The following DLAT variants were observed in gnomAD, a reference collection of about 807,000 sequenced individuals.
DLAT encodes the protein dihydrolipoamide S-acetyltransferase, also known as dihydrolipoyllysine-residue acetyltransferase component of pyruvate dehydrogenase complex, mitochondrial.
Under a neutral mutation model 68.0 loss-of-function variants are expected in DLAT, and 43 were observed. The observed-to-expected ratio is 0.63, with a 90% CI of 0.50 to 0.81. The LOEUF (loss-of-function observed/expected upper bound fraction) is 0.81. Ranked by LOEUF, DLAT falls within the 40% of genes least tolerant of loss-of-function variation. The pLI, the probability that DLAT is intolerant of heterozygous loss-of-function variation, is 0.00. For synonymous variants in DLAT, 265 were observed against 288.6 expected (o/e 0.92, Z 0.83); for missense variants, 745 against 815.4 (o/e 0.91, Z 1.05).
intron 5 of DLAT, among the ~76,000 whole-genome samples, chr11:112,035,213 G>T (rs587668086): frequency 1.3e-5 from 2 of 152,290 alleles, no homozygotes; most frequent in East Asian, 3.9e-4. Flanking sequence ...TGAGGCAAAG[G>T]GGGAATTAAA....
intron 2 of DLAT, 139 bp downstream of exon 2, chr11:112,026,438 G>C: frequency 6.8e-6 from 3 of 443,916 alleles, no homozygotes; most frequent in Non-Finnish European, 7.5e-6. Context: ...AGTGAACAAA[G>C]GTCTCTGGTT....
At chr11:112,028,683 G>C (rs1249078890) in intron 3 of DLAT, 44 bp downstream of exon 3, 2 of 1,613,966 alleles carry the variant, frequency 1.2e-6, no homozygotes, top group African/African-American at 2.7e-5. Flanking sequence ...TTGCTTGGTG[G>C]AGTATTTTAC....
At chr11:112,038,227 C>G (rs1862874090) in intron 6 of DLAT, among the ~76,000 whole-genome samples, 1 of 152,082 alleles carries the variant, frequency 6.6e-6, no homozygotes, top group Non-Finnish European at 1.5e-5. Context: ...GAGACGGAGT[C>G]TTGCTCCGTC....
rs1555181970 is a variant in DLAT, at chr11:112,051,298, G to A, written c.1463G>A (p.Cys488Tyr). The A allele has an allele frequency of 6.2e-7, 1 of 1,613,708 alleles. No homozygotes were observed. Among genetic ancestry groups the A allele is most frequent in the Admixed American group, 1.7e-5 (1 of 60,012 alleles). The change falls in exon 11 of 14, where the codon TGT (cysteine) becomes TAT (tyrosine). Residue 488 changes from cysteine to tyrosine, a missense_variant. By Grantham distance (194) the Cys-to-Tyr change is radical (BLOSUM62 -2). Transcript: ENST00000280346. This position sits in a 1 kb window ranked among gnomAD's most constrained non-coding sequence, Gnocchi z 4.3. ...DFIIKASALA[C>Y]LKVPEANSSW... is the part of the protein sequence containing the mutation. The stretch of plus-strand genomic sequence containing the variant: ...ATCATAAAAGCTTCAGCTTTGGCAT[G>A]TTTAAAAGTTCCCGAAGCAAATTCT...
intron 6 of DLAT, among the ~76,000 whole-genome samples, chr11:112,037,775 A>AC (rs1444262846): frequency 1.0e-4 from 9 of 86,194 alleles, no homozygotes; most frequent in Non-Finnish European, 1.3e-4. Flanking sequence ...TCATTGCCCC[A>AC]CCCTTTTTTT....
intron 11 of DLAT, among the ~76,000 whole-genome samples, chr11:112,058,642 CT>C (rs587655131): frequency 0.049 from 6,856 of 139,506 alleles, 572 homozygotes; most frequent in African/African-American, 0.15. Context: ...GGGGAATCAC[CT>C]TTTTTTTTTT....
At chr11:112,043,998 A>G (rs1229332585) in intron 8 of DLAT, among the ~76,000 whole-genome samples, 1 of 152,192 alleles carries the variant, frequency 6.6e-6, no homozygotes, top group African/African-American at 2.4e-5. Flanking sequence ...ATGGATATGG[A>G]GGGCCAAGTG....
intron 11 of DLAT, among the ~76,000 whole-genome samples, chr11:112,058,131 C>A (rs1024171135): frequency 6.6e-6 from 1 of 152,172 alleles, no homozygotes; most frequent in Admixed American, 6.5e-5. Flanking sequence ...AAACACCATT[C>A]ATTTACTTGT....
Position 112,027,893 on chromosome 11 carries a change from A to AGAGAGGGAGAGG in DLAT, c.382-617_382-606dup, listed in dbSNP as rs201205994. 8.7e-5 allele frequency among the ~76,000 whole-genome samples: 13 copies of AGAGAGGGAGAGG among 150,288 alleles called. No individual in the cohort carries two copies. In the East Asian group the frequency reaches 1.2e-3, roughly 14 times the overall value. ...TCAGCATCAGAGGGAGACCGTGGAA[A>AGAGAGGGAGAGG]GAGAGGGAGAGGGAGACCGTGGGGA... On this transcript the variant is annotated intron_variant, in intron 2 of 13. Transcript: ENST00000280346.
chr11:112,048,742 C>T (rs782108955), intron 10 of DLAT, among the ~76,000 whole-genome samples: 4 of 152,050 alleles, frequency 2.6e-5, no homozygotes, highest in Admixed American at 6.6e-5. Context: ...CCATGTTGGC[C>T]AGGCTGGTCT....
In DLAT at chr11:112,026,784, C is replaced by G. The variant is rs1263490275; in HGVS notation, c.381+485C>G. On this transcript the variant is annotated intron_variant, in intron 2 of 13. Transcript: ENST00000280346. ...CCACCTTTCCCCCCTTTCTATTCCA[C>G]AAAACCGCCATTGTCATCATGGCCC... 2.0e-5 allele frequency among the ~76,000 whole-genome samples: 3 copies of G among 152,290 alleles called. No individual in the cohort carries two copies. The East Asian group carries it at 5.8e-4, about 29-fold the overall frequency.
intron 10 of DLAT, among the ~76,000 whole-genome samples, chr11:112,050,263 T>G (rs1359347340): frequency 1.3e-5 from 2 of 152,178 alleles, no homozygotes; most frequent in Non-Finnish European, 2.9e-5. Flanking sequence ...TGCTGGATTT[T>G]ATTTGCTAGC....
rs985598328 is a variant in DLAT, at chr11:112,043,589, C to A, written c.1197+56C>A. 4 of 1,357,700 alleles carry A rather than the reference C, an allele frequency of 2.9e-6. No individual in the cohort carries two copies. In the African/African-American group the frequency reaches 5.7e-5, roughly 19 times the overall value. 84.1% of individuals were successfully genotyped at this position (1,357,700 alleles called of 1,614,324 possible). A position where few individuals can be genotyped will look rare whatever the true frequency, so the allele number is the denominator to read the frequency against. ...CAGTTTGTCTCTACAGCCTGTTAGACCATTTCATACATTATTTATGAACGA... is the reference window on the plus strand; with the variant it reads ...CAGTTTGTCTCTACAGCCTGTTAGAACATTTCATACATTATTTATGAACGA... On this transcript the variant is annotated intron_variant, in intron 8 of 13. Transcript: ENST00000280346.
Position 112,033,624 on chromosome 11 carries a change from T to G in DLAT, c.787+94T>G, listed in dbSNP as rs1263409422. 7.0e-6 allele frequency: 10 copies of G among 1,418,774 alleles called. No homozygotes were observed. The East Asian group carries it at 2.1e-4, about 30-fold the overall frequency. The allele number at this position is 1,418,774 out of a possible 1,614,324, so 87.9% of individuals were successfully genotyped here. ...TTCCTATAATGAGTGAGTGATAATA[T>G]GAAAACTTTATAATTCTTAGGATTC... On this transcript the variant is annotated intron_variant, in intron 5 of 13. Coordinates refer to ENST00000280346, the MANE Select transcript of DLAT (RefSeq NM_001931.5).
rs587754043 is a variant in DLAT at position 112,037,355 on chromosome 11, C to T, written c.870C>T (p.Leu290=). 28 of 1,614,180 alleles carry T rather than the reference C, an allele frequency of 1.7e-5. No individual in the cohort carries two copies. The African/African-American group carries it at 3.3e-4, about 19-fold the overall frequency. The change falls in exon 6 of 14, where the codon CTC becomes CTT. Residue 290 remains leucine, a synonymous_variant. Coordinates refer to ENST00000280346, the MANE Select transcript of DLAT (RefSeq NM_001931.5). ...GAGATGTCCCTCTAGGAACCCCACT[C>T]TGTATCATTGTAGAAAAAGAGGCAG... The part of the protein sequence containing the change: ...GTRDVPLGTP[L]CIIVEKEADI...
At chr11:112,047,547 T>C (rs1863383595) in intron 10 of DLAT, among the ~76,000 whole-genome samples, 1 of 152,248 alleles carries the variant, frequency 6.6e-6, no homozygotes, top group Non-Finnish European at 1.5e-5. Context: ...CCCATGCCTG[T>C]GTCCTGAATG....
chr11:112,026,934 A>G (rs59151988), intron 2 of DLAT, among the ~76,000 whole-genome samples: 59,433 of 148,730 alleles, frequency 0.4, 11,945 homozygotes, highest in East Asian at 0.59. Flanking sequence ...GCAGCTGGCC[A>G]GGCGGGGGCT....
Position 112,064,261 on chromosome 11 carries a change from T to G in DLAT, c.*1726T>G. 1 of 1,506,656 alleles carries G rather than the reference T, an allele frequency of 6.6e-7. No individual in the cohort carries two copies. The highest frequency in any genetic ancestry group is 1.3e-5 in the South Asian group (1 of 79,762). 93.3% of individuals were successfully genotyped at this position (1,506,656 alleles called of 1,614,324 possible). Reference sequence around the variant, plus strand: ...AAAACAGTTGCCTTCTAATAAACATTGTTGAGTTAAAAATTAATCTGAGCT... The same window carrying G: ...AAAACAGTTGCCTTCTAATAAACATGGTTGAGTTAAAAATTAATCTGAGCT... On this transcript the variant is annotated 3_prime_UTR_variant, in exon 14 of 14. Transcript: ENST00000280346.
At chr11:112,039,181 T>C in intron 6 of DLAT, 63 bp from the exon 7 acceptor site, 1 of 1,516,776 alleles carries the variant, frequency 6.6e-7, no homozygotes, top group Non-Finnish European at 9.1e-7. Flanking sequence ...ATGTAAACTT[T>C]TAATCTTTCA....
Sources: gnomAD v4.1 joint callset for allele counts (sites outside exome capture counted in the v4.1 genomes callset) on GRCh38, gnomAD v4.1.1 for gene constraint, Gnocchi (gnomAD v3.1) non-coding constraint, MANE v1.5 for transcripts, NCBI Gene and HGNC (gene_info 2026-07-23, HGNC 2026-07-21) for gene names.